The following CEP112 variants were observed in gnomAD, a reference collection of about 807,000 sequenced individuals.
CEP112 encodes centrosomal protein of 112 kDa.
Under a neutral mutation model 153.0 loss-of-function variants are expected in CEP112, and 127 were observed. The observed-to-expected ratio is 0.83, with a 90% confidence interval of 0.72 to 0.96. The LOEUF (loss-of-function observed/expected upper bound fraction) is 0.96, where lower values mean the gene tolerates loss of function less well. CEP112 is among the 40% of genes least tolerant of loss of function. The pLI is 0.00. For synonymous variants in CEP112, 358 were observed against 374.4 expected, an observed-to-expected ratio of 0.96 and a Z score of 0.51; for missense variants, 1,089 against 1,101.2, an observed-to-expected ratio of 0.99 and a Z score of 0.16.
intron 22 of CEP112, among the ~76,000 whole-genome samples, chr17:65,744,491 C>G (rs945846307): frequency 6.6e-6 from 1 of 152,136 alleles, no homozygotes; most frequent in Non-Finnish European, 1.5e-5. Flanking sequence ...GTGATCTGCC[C>G]GCCTTGGCCT....
intron 8 of CEP112, among the ~76,000 whole-genome samples, chr17:66,079,198 G>C (rs2067620047): frequency 6.6e-6 from 1 of 152,154 alleles, no homozygotes; most frequent in Admixed American, 6.5e-5. Flanking sequence ...CCAACACTTT[G>C]GGAGGCTGAA....
intron 20 of CEP112, among the ~76,000 whole-genome samples, chr17:65,865,120 C>T (rs1291565208): frequency 2.0e-5 from 3 of 152,110 alleles, no homozygotes. Context: ...CGGCTCACTG[C>T]AGCCTCACCT....
intron 23 of CEP112, among the ~76,000 whole-genome samples, chr17:65,695,238 T>C (rs2048300863): frequency 6.6e-6 from 1 of 152,230 alleles, no homozygotes; most frequent in Non-Finnish European, 1.5e-5. Context: ...GTAGGATAAT[T>C]TGATTTGTTC....
intron 23 of CEP112, among the ~76,000 whole-genome samples, chr17:65,694,018 T>C (rs1293924270): frequency 6.6e-6 from 1 of 152,122 alleles, no homozygotes; most frequent in Non-Finnish European, 1.5e-5. Flanking sequence ...AATAAGCTTT[T>C]GTGTTTAGGA....
intron 19 of CEP112, among the ~76,000 whole-genome samples, chr17:65,908,944 T>C (rs2060182334): frequency 1.3e-5 from 2 of 152,164 alleles, no homozygotes; most frequent in African/African-American, 2.4e-5. Context: ...CCACTGGACA[T>C]ACAAGTCCCT....
intron 6 of CEP112, among the ~76,000 whole-genome samples, chr17:66,111,247 C>T (rs556792679): frequency 1.5e-4 from 23 of 152,256 alleles, no homozygotes; most frequent in South Asian, 1.5e-3. Context: ...AACACTTATA[C>T]GCTGTTGATA....
chr17:65,968,842 G>C (rs1310140931), intron 17 of CEP112, among the ~76,000 whole-genome samples: 6 of 142,194 alleles, frequency 4.2e-5, no homozygotes, highest in African/African-American at 1.3e-4. Context: ...CTTTAAATCT[G>C]TACATACATT....
intron 17 of CEP112, among the ~76,000 whole-genome samples, chr17:65,978,847 T>A (rs1180151861): frequency 1.3e-5 from 2 of 152,232 alleles, no homozygotes; most frequent in Admixed American, 6.5e-5. Flanking sequence ...AGAGGCCTCT[T>A]GACCATCATA....
chr17:65,820,155 A>T (rs1169160096), intron 21 of CEP112, among the ~76,000 whole-genome samples: 1 of 152,098 alleles, frequency 6.6e-6, no homozygotes, highest in Non-Finnish European at 1.5e-5. Flanking sequence ...GGATTTTCAT[A>T]AACAATTACC....
At chr17:66,076,354 G>T (rs1373437581) in intron 8 of CEP112, among the ~76,000 whole-genome samples, 1 of 152,078 alleles carries the variant, frequency 6.6e-6, no homozygotes, top group Non-Finnish European at 1.5e-5. Context: ...AATAGACTCG[G>T]GGCTGCTAGG....
chr17:65,785,723 T>C (rs1375606722), intron 21 of CEP112, among the ~76,000 whole-genome samples: 1 of 152,212 alleles, frequency 6.6e-6, no homozygotes, highest in Non-Finnish European at 1.5e-5. Flanking sequence ...AAAATTTACT[T>C]GCATGTTTTC....
At chr17:66,063,174 A>AT in intron 10 of CEP112, 93 bp from the exon 11 acceptor site, 2 of 493,954 alleles carry the variant, frequency 4.0e-6, no homozygotes, top group Admixed American at 7.6e-5. Context: ...AGGTAATTCA[A>AT]TTTTTCACCA....
intron 12 of CEP112, 69 bp from the exon 13 acceptor site, chr17:66,030,092 T>C: frequency 7.8e-7 from 1 of 1,282,910 alleles, no homozygotes; most frequent in South Asian, 1.3e-5. Context: ...TGTAAGAAGC[T>C]TGAGGAACAC....
At chr17:65,689,057 T>G in intron 24 of CEP112, 72 bp downstream of exon 24, 3 of 1,115,558 alleles carry the variant, frequency 2.7e-6, no homozygotes, top group Non-Finnish European at 4.1e-6. Context: ...TGTGAGCCAC[T>G]GCACCTGGCT....
intron 21 of CEP112, among the ~76,000 whole-genome samples, chr17:65,821,532 A>G (rs1382888605): frequency 3.7e-5 from 1 of 26,676 alleles, no homozygotes; most frequent in Non-Finnish European, 7.1e-5. Context: ...ATATATATAT[A>G]TATATATATT....
At chr17:65,896,866 G>A (rs1319205994) in intron 20 of CEP112, among the ~76,000 whole-genome samples, 1 of 152,076 alleles carries the variant, frequency 6.6e-6, no homozygotes, top group Non-Finnish European at 1.5e-5. Flanking sequence ...ATAGAGAATT[G>A]TAATGTGTGG....
chr17:65,987,717 C>A (rs114694430), intron 17 of CEP112, among the ~76,000 whole-genome samples: 5,901 of 152,230 alleles, frequency 0.039, 165 homozygotes, highest in South Asian at 0.11. Context: ...CCCAGGACCA[C>A]AGGGAAGTAA....
At chr17:65,818,588 C>CT (rs2056385328) in intron 21 of CEP112, among the ~76,000 whole-genome samples, 1 of 151,776 alleles carries the variant, frequency 6.6e-6, no homozygotes, top group African/African-American at 2.4e-5. Flanking sequence ...TGATAACTTT[C>CT]TCCTCAAGTT....
At chr17:65,692,251 C>T (rs1409530260) in intron 23 of CEP112, among the ~76,000 whole-genome samples, 4 of 124,168 alleles carry the variant, frequency 3.2e-5, no homozygotes, top group African/African-American at 6.2e-5. Context: ...TTTTTTGAGA[C>T]GGAGTTTTGC....
Sources: gnomAD v4.1 joint callset for allele counts (sites outside exome capture counted in the v4.1 genomes callset) on GRCh38, gnomAD v4.1.1 for gene constraint, MANE v1.5 for transcripts, NCBI Gene and HGNC (gene_info 2026-07-23, HGNC 2026-07-21) for gene names.